SHISA6: variants seen among roughly 807,000 people sequenced by gnomAD.
The protein encoded by SHISA6 is protein shisa-6.
Under a neutral mutation model 47.9 loss-of-function variants are expected in SHISA6, and 22 were observed. The ratio of observed to expected loss-of-function variants is 0.46; its 90% CI spans 0.33 to 0.66. The LOEUF is 0.66. SHISA6 is among the 30% of genes least tolerant of loss of function. The pLI, the probability that SHISA6 is intolerant of heterozygous loss-of-function variation, is 0.02. For synonymous variants in SHISA6, 388 were observed against 337.8 expected (o/e 1.15, Z -1.63); for missense variants, 680 against 764.6 (o/e 0.89, Z 1.30).
At chr17:11,352,302 AG>A (rs1400539438) in intron 2 of SHISA6, among the ~76,000 whole-genome samples, 1 of 152,104 alleles carries the variant, frequency 6.6e-6, no homozygotes, top group East Asian at 1.9e-4. Context: ...AAATCAAAGG[AG>A]GAAAAAAAAA....
At chr17:11,557,050 AC>A (rs1416759276) in intron 5 of SHISA6, among the ~76,000 whole-genome samples, 1 of 152,186 alleles carries the variant, frequency 6.6e-6, no homozygotes, top group Non-Finnish European at 1.5e-5. Context: ...GATTACTCCA[AC>A]CAGCTTGCGT....
chr17:11,285,270 TCAGA>T (rs1909255817), intron 2 of SHISA6, among the ~76,000 whole-genome samples: 1 of 152,194 alleles, frequency 6.6e-6, no homozygotes, highest in African/African-American at 2.4e-5. Flanking sequence ...ATTTGGTGTG[TCAGA>T]CAGACAGGGA....
At chr17:11,302,570 G>T (rs532915933) in intron 2 of SHISA6, among the ~76,000 whole-genome samples, 6 of 152,184 alleles carry the variant, frequency 3.9e-5, no homozygotes, top group Non-Finnish European at 8.8e-5. Flanking sequence ...TCCTTGCCAG[G>T]CCTAAGCTTT....
chr17:11,327,776 A>G (rs912295494), intron 2 of SHISA6, among the ~76,000 whole-genome samples: 3 of 152,222 alleles, frequency 2.0e-5, no homozygotes, highest in Admixed American at 1.3e-4. Flanking sequence ...CAGCCTGGGC[A>G]GCAGAGTGAG....
rs151262940 is a variant in SHISA6 at position 11,292,375 on chromosome 17, G to A, written c.799+28849G>A. Among the ~76,000 whole-genome samples the A allele has an allele frequency of 4.2e-3, 639 of 152,068 alleles. 3 individuals carry two copies. The highest frequency in any genetic ancestry group is 6.9e-3 in the Admixed American group (106 of 15,264). On this transcript the variant is annotated intron_variant, in intron 2 of 5. Coordinates refer to ENST00000441885, the MANE Select transcript of SHISA6 (RefSeq NM_207386.4). Reference sequence around the variant, plus strand: ...TTGTTCAAATTATGGCTTGATAGGTGCAGGAAAACACCATGGCACATGTAT... The same window carrying A: ...TTGTTCAAATTATGGCTTGATAGGTACAGGAAAACACCATGGCACATGTAT...
At chr17:11,485,863 C>G (rs928583016) in intron 3 of SHISA6, among the ~76,000 whole-genome samples, 1 of 151,954 alleles carries the variant, frequency 6.6e-6, no homozygotes, top group Non-Finnish European at 1.5e-5. Context: ...CATTTCCCTC[C>G]CACCCCACCT....
chr17:11,407,851 C>G (rs1184553395), intron 3 of SHISA6, among the ~76,000 whole-genome samples: 1 of 152,196 alleles, frequency 6.6e-6, no homozygotes, highest in Non-Finnish European at 1.5e-5. Context: ...AGAGAGCTCC[C>G]TGTGTCACAC....
intron 3 of SHISA6, among the ~76,000 whole-genome samples, chr17:11,418,261 C>G (rs970523984): frequency 6.6e-6 from 1 of 152,122 alleles, no homozygotes; most frequent in African/African-American, 2.4e-5. Flanking sequence ...CCCATCTCTA[C>G]TTGGCTGGAA....
chr17:11,404,814 G>A (rs1913894874), intron 3 of SHISA6, among the ~76,000 whole-genome samples: 1 of 152,170 alleles, frequency 6.6e-6, no homozygotes, highest in African/African-American at 2.4e-5. Flanking sequence ...TCGCCTTTGG[G>A]CTCATATATT....
intron 2 of SHISA6, chr17:11,288,797 G>A (rs1299522315): frequency 6.6e-6 from 1 of 152,048 alleles, no homozygotes; most frequent in Non-Finnish European, 1.5e-5. Context: ...GGATGATCTT[G>A]CCTCTTTCTT....
chr17:11,280,754 C>T (rs2142160662), intron 2 of SHISA6, among the ~76,000 whole-genome samples: 1 of 152,276 alleles, frequency 6.6e-6, no homozygotes, highest in East Asian at 1.9e-4. Context: ...AAACATCAGG[C>T]CTCATAGGAG....
chr17:11,381,605 G>T (rs1370921233), intron 3 of SHISA6, among the ~76,000 whole-genome samples: 5 of 152,130 alleles, frequency 3.3e-5, no homozygotes, highest in Non-Finnish European at 7.3e-5. Context: ...AAAGAGAGAG[G>T]ATCCAAGCCA....
At chr17:11,555,495 A>C (rs535558004) in intron 4 of SHISA6, among the ~76,000 whole-genome samples, 1 of 152,020 alleles carries the variant, frequency 6.6e-6, no homozygotes, top group South Asian at 2.1e-4. Flanking sequence ...CCTCAGACTC[A>C]AGAGTCGAGT....
At chr17:11,449,915 C>T (rs182783927) in intron 3 of SHISA6, among the ~76,000 whole-genome samples, 5 of 152,332 alleles carry the variant, frequency 3.3e-5, no homozygotes, top group South Asian at 2.1e-4. Flanking sequence ...GACGGAGTCT[C>T]GCTCTGTCGC....
intron 3 of SHISA6, among the ~76,000 whole-genome samples, chr17:11,458,191 G>A (rs1043310510): frequency 1.3e-5 from 2 of 152,052 alleles, no homozygotes; most frequent in African/African-American, 4.8e-5. Flanking sequence ...AGTCCAACCA[G>A]TGAGTATCTT....
rs933433662 is a variant in SHISA6, at chr17:11,241,973, T to C, written c.551T>C (p.Val184Ala). ...TTCACCGTCTACATCACCTGCGGGG[T>C]GATCGCCTTCGTCATCGTGGCCGGC... ...TNFTVYITCG[V>A]IAFVIVAGVF... The change falls in exon 1 of 6, where the codon GTG becomes GCG. Residue 184 changes from valine (V) to alanine (A), a missense_variant. Physicochemically the swap from Val to Ala is moderately conservative, Grantham distance 64. Transcript: ENST00000441885. The surrounding 1 kb of genome is among the most constrained non-coding windows in gnomAD (Gnocchi z 5.5). 3 of 1,550,830 alleles carry C rather than the reference T, an allele frequency of 1.9e-6. No homozygotes were observed. Among genetic ancestry groups the C allele is most frequent in the African/African-American group, 2.7e-5 (2 of 73,042 alleles).
intron 2 of SHISA6, among the ~76,000 whole-genome samples, chr17:11,302,181 C>G (rs1296071264): frequency 6.6e-6 from 1 of 152,136 alleles, no homozygotes; most frequent in African/African-American, 2.4e-5. Context: ...GGTGGGGGCA[C>G]AGCCAAACCA....
At chr17:11,297,915 G>A (rs867624090) in intron 2 of SHISA6, among the ~76,000 whole-genome samples, 1 of 152,308 alleles carries the variant, frequency 6.6e-6, no homozygotes, top group Non-Finnish European at 1.5e-5. Flanking sequence ...TGTTTATCTG[G>A]TGGTTGGAGG....
rs765647951 is a variant in SHISA6, at chr17:11,551,878, C to A, written c.896-18C>A. Reference sequence around the variant, plus strand: ...TGCCTGAACTCTTCTTTAAAAATTTCTTTTCTATGATTTTCAGGTGATCAT... The same window carrying A: ...TGCCTGAACTCTTCTTTAAAAATTTATTTTCTATGATTTTCAGGTGATCAT... On this transcript the variant is annotated intron_variant, in intron 3 of 5. Transcript: ENST00000441885. 24 of 1,550,630 alleles carry A rather than the reference C, an allele frequency of 1.5e-5. 2 individuals carry two copies. In the South Asian group the frequency reaches 2.5e-4, roughly 16 times the overall value.
Sources: gnomAD v4.1 joint callset for allele counts (sites outside exome capture counted in the v4.1 genomes callset) on GRCh38, gnomAD v4.1.1 for gene constraint, Gnocchi (gnomAD v3.1) non-coding constraint, MANE v1.5 for transcripts, NCBI Gene and HGNC (gene_info 2026-07-23, HGNC 2026-07-21) for gene names.